BHLHE40: variants seen among roughly 807,000 people sequenced by gnomAD.
BHLHE40 encodes the protein class E basic helix-loop-helix protein 40.
A neutral mutation model predicts 35.7 loss-of-function variants in BHLHE40; 3 were observed. The ratio of observed to expected loss-of-function variants is 0.08; its 90% confidence interval spans 0.04 to 0.22. BHLHE40 has a LOEUF of 0.22. Ranked by LOEUF, BHLHE40 falls within the 10% of genes least tolerant of loss-of-function variation. BHLHE40 has a pLI of 1.00. For synonymous variants in BHLHE40, 236 were observed against 213.0 expected (o/e 1.11, Z -0.94); for missense variants, 486 against 524.0 (o/e 0.93, Z 0.71).
Position 4,983,829 on chromosome 3 carries a change from G to GGT in BHLHE40, c.*162_*163dup, listed in dbSNP as rs56076357. 0.11 allele frequency: 74,177 copies of GGT among 645,304 alleles called. 66 individuals are homozygous for GGT. The highest frequency in any genetic ancestry group is 0.21 in the South Asian group (9,532 of 45,178). 40.0% of individuals were successfully genotyped at this position (645,304 alleles called of 1,614,324 possible). On this transcript the variant is annotated 3_prime_UTR_variant, in exon 5 of 5. Coordinates refer to ENST00000256495, the MANE Select transcript of BHLHE40 (RefSeq NM_003670.3). This position sits in a 1 kb window ranked among gnomAD's most constrained non-coding sequence, Gnocchi z 5.0. The stretch of plus-strand genomic sequence containing the variant: ...TCTGAGGCATGGAGAGCAGATTCAG[G>GGT]GTGTGTGTGTGTGTGTGTGTGTGTG...
Position 4,983,309 on chromosome 3 carries a change from C to G in BHLHE40, c.856C>G (p.Pro286Ala). 6.2e-7 allele frequency: 1 copy of G among 1,614,158 alleles called. No individual in the cohort carries two copies. Among genetic ancestry groups the G allele is most frequent in the South Asian group, 1.1e-5 (1 of 91,092 alleles). Residue 286 changes from proline to alanine, a missense_variant, in exon 5 of 5, where the codon CCC becomes GCC. By Grantham distance (27) the Pro-to-Ala change is conservative. This residue lies in a region of BHLHE40 where 206 missense variants were observed against 208.9 expected (regional missense o/e 0.99). Transcript: ENST00000256495. The surrounding 1 kb of genome is among the most constrained non-coding windows in gnomAD (Gnocchi z 5.0). ...AATTAAGCAAGAGTCCGAAGAACCCCCCACAAAAAAGAACCGGATGCAGCT... is the reference window on the plus strand; with the variant it reads ...AATTAAGCAAGAGTCCGAAGAACCCGCCACAAAAAAGAACCGGATGCAGCT... ...GAIKQESEEP[P>A]TKKNRMQLSD...
chr3:4,980,298 CAGG>C lies in BHLHE40; in HGVS notation c.151_153del (p.Glu51del). ...GCCCACCGCCTCCCCGTGCGTCTTG[CAGG>C]AGACCTACAAATTGCCGCACCGGCT... is the stretch of plus-strand genomic sequence containing the variant. On this transcript the variant is annotated splice_acceptor_variant and coding_sequence_variant, in exon 3 of 5. Coordinates refer to ENST00000256495, the MANE Select transcript of BHLHE40 (RefSeq NM_003670.3). LOFTEE classifies it high-confidence loss of function. The C allele has an allele frequency of 1.9e-6, 3 of 1,613,424 alleles. No individual in the cohort carries two copies. Among genetic ancestry groups the C allele is most frequent in the Non-Finnish European group, 2.5e-6 (3 of 1,179,422 alleles).
At position 4,981,518 on chromosome 3, in the gene BHLHE40, G is replaced by A. The variant is rs745659070; in HGVS notation, c.382+3G>A. On this transcript the variant is annotated splice_donor_region_variant and intron_variant, in intron 4 of 4. Transcript: ENST00000256495. Reference sequence around the variant, plus strand: ...CCTGCAGAGTGGTTTACAAGCTGGTGAGTGCTGATTCTGGCTATGCTCTCT... The same window carrying A: ...CCTGCAGAGTGGTTTACAAGCTGGTAAGTGCTGATTCTGGCTATGCTCTCT... The A allele has an allele frequency of 5.6e-6, 9 of 1,613,740 alleles. No individual in the cohort carries two copies. The Admixed American group carries it at 1.0e-4, about 18-fold the overall frequency.
intron 2 of BHLHE40, 114 bp from the exon 3 acceptor site, chr3:4,980,187 T>G: frequency 2.6e-6 from 3 of 1,149,792 alleles, no homozygotes; most frequent in South Asian, 2.6e-5. Context: ...AGACGATGGT[T>G]CTGGGTGCTA....
At position 4,983,214 on chromosome 3, in the gene BHLHE40, T is replaced by C. The variant is rs1189391119; in HGVS notation, c.761T>C (p.Leu254Ser). 2 of 1,614,152 alleles carry C rather than the reference T, an allele frequency of 1.2e-6. No homozygotes were observed. The highest frequency in any genetic ancestry group is 1.7e-6 in the Non-Finnish European group (2 of 1,180,024). Reference sequence around the variant, plus strand: ...GGAGGAGAATCGGAGAAGGGCGACTTGCGCAGTGAGCAGCCGTGCTTCAAA... The same window carrying C: ...GGAGGAGAATCGGAGAAGGGCGACTCGCGCAGTGAGCAGCCGTGCTTCAAA... ...GYGGESEKGDLRSEQPCFKSD... is the reference protein window; with the variant it reads ...GYGGESEKGDSRSEQPCFKSD... The change falls in exon 5 of 5, where the codon TTG (leucine) becomes TCG (serine). Residue 254 changes from leucine to serine, a missense_variant. Leu to Ser is a moderately radical substitution (Grantham distance 145). Transcript: ENST00000256495. This position sits in a 1 kb window ranked among gnomAD's most constrained non-coding sequence, Gnocchi z 5.0.
chr3:4,984,934 A>C lies in BHLHE40; in HGVS notation c.*1242A>C, dbSNP rs1298029617. 6.6e-6 allele frequency: 1 copy of C among 151,850 alleles called. No homozygotes were observed. Among genetic ancestry groups the C allele is most frequent in the African/African-American group, 2.4e-5 (1 of 41,360 alleles). The allele number at this position is 151,850 out of a possible 1,614,324, so 9.4% of individuals were successfully genotyped here. The stretch of plus-strand genomic sequence containing the variant: ...TGTTATAAATATATATTATATAAAT[A>C]TATTAAAAAGGAAAATGTTTCAGAT... On this transcript the variant is annotated 3_prime_UTR_variant, in exon 5 of 5. Coordinates refer to ENST00000256495, the MANE Select transcript of BHLHE40 (RefSeq NM_003670.3).
At position 4,979,515 on chromosome 3, in the gene BHLHE40, G is replaced by T; in HGVS notation, c.-204G>T. On this transcript the variant is annotated 5_prime_UTR_variant, in exon 1 of 5. It adds an upstream start codon to the 5' untranslated region. Transcript: ENST00000256495. ...GTCTGTGCGCTGAGTCGGAGCCAGA[G>T]GCCGCGGGGACACCGGGCCATGCAC... 1.6e-6 allele frequency: 1 copy of T among 614,704 alleles called. No individual in the cohort carries two copies. The highest frequency in any genetic ancestry group is 2.9e-6 in the Non-Finnish European group (1 of 350,450). 38.1% of individuals were successfully genotyped at this position (614,704 alleles called of 1,614,324 possible).
chr3:4,982,311 A>G (rs6779816), intron 4 of BHLHE40, among the ~76,000 whole-genome samples: 21,955 of 152,252 alleles, frequency 0.14, 1,969 homozygotes, highest in Admixed American at 0.21. Flanking sequence ...ACATAGAAAT[A>G]GCCTAATTAA....
chr3:4,984,037 A>T lies in BHLHE40; in HGVS notation c.*345A>T, dbSNP rs1285873711. 4.5e-6 allele frequency: 1 copy of T among 221,660 alleles called. No individual in the cohort carries two copies. Among genetic ancestry groups the T allele is most frequent in the Non-Finnish European group, 8.9e-6 (1 of 112,018 alleles). 13.7% of individuals were successfully genotyped at this position (221,660 alleles called of 1,614,324 possible). A position where few individuals can be genotyped will look rare whatever the true frequency, so the allele number is the denominator to read the frequency against. ...TTCGATACACATCAGCTGGATTTTC[A>T]AAAGCTTCAAAGTCTTGGTCTGTGA... On this transcript the variant is annotated 3_prime_UTR_variant, in exon 5 of 5. Coordinates refer to ENST00000256495, the MANE Select transcript of BHLHE40 (RefSeq NM_003670.3).
Position 4,984,493 on chromosome 3 carries a change from C to A in BHLHE40, c.*801C>A, listed in dbSNP as rs1201521867. 1 of 152,336 alleles carries A rather than the reference C, an allele frequency of 6.6e-6. No homozygotes were observed. The highest frequency in any genetic ancestry group is 1.5e-5 in the Non-Finnish European group (1 of 68,186). 9.4% of individuals were successfully genotyped at this position (152,336 alleles called of 1,614,324 possible). On this transcript the variant is annotated 3_prime_UTR_variant, in exon 5 of 5. Transcript: ENST00000256495. The stretch of plus-strand genomic sequence containing the variant: ...CCATTAGTACTTACTGTGCAGGGAA[C>A]CAAACCAAGGTCTGAGAAATGCGGA...
Position 4,985,265 on chromosome 3 carries a change from C to G in BHLHE40, c.*1573C>G, listed in dbSNP as rs2053236717. On this transcript the variant is annotated 3_prime_UTR_variant, in exon 5 of 5. Coordinates refer to ENST00000256495, the MANE Select transcript of BHLHE40 (RefSeq NM_003670.3). ...TCCTTCTTTCTTGGCTGAAGCAAAC[C>G]AGTTAATCTCAGTGTAATTTCATTC... 6.6e-6 allele frequency: 1 copy of G among 152,266 alleles called. No homozygotes were observed. The highest frequency in any genetic ancestry group is 2.4e-5 in the African/African-American group (1 of 41,446). The allele number at this position is 152,266 out of a possible 1,614,324, so 9.4% of individuals were successfully genotyped here.
In BHLHE40 at chr3:4,979,978, A is replaced by G. The variant is rs778161220; in HGVS notation, c.97A>G (p.Met33Val). ...GDLPGMYPAHMYQVYKSRRGI... is the reference protein window; with the variant it reads ...GDLPGMYPAHVYQVYKSRRGI... Reference sequence around the variant, plus strand: ...TTCCTGCAGGATGTACCCTGCCCACATGTACCAAGTGTACAAGTCAAGACG... The same window carrying G: ...TTCCTGCAGGATGTACCCTGCCCACGTGTACCAAGTGTACAAGTCAAGACG... The change falls in exon 2 of 5, where the codon ATG becomes GTG. Residue 33 changes from methionine (M) to valine (V), a missense_variant. This residue lies in a region of BHLHE40 where 87 missense variants were observed against 66.7 expected (regional missense o/e 1.30). Coordinates refer to ENST00000256495, the MANE Select transcript of BHLHE40 (RefSeq NM_003670.3). The G allele has an allele frequency of 1.3e-5, 21 of 1,614,016 alleles. 1 individual carries two copies. The highest frequency in any genetic ancestry group is 3.3e-4 in the Middle Eastern group (2 of 6,084).
Position 4,983,776 on chromosome 3 carries a change from G to T in BHLHE40, c.*84G>T. The T allele has an allele frequency of 1.4e-6, 2 of 1,467,898 alleles. No homozygotes were observed. The highest frequency in any genetic ancestry group is 1.8e-6 in the Non-Finnish European group (2 of 1,097,308). The allele number at this position is 1,467,898 out of a possible 1,614,324, so 90.9% of individuals were successfully genotyped here. A position where few individuals can be genotyped will look rare whatever the true frequency, so the allele number is the denominator to read the frequency against. Reference sequence around the variant, plus strand: ...AAAAAAGTTTTTGTGAATGCTGCAAGATTGTTGCATTGTGTATACTGAGAT... The same window carrying T: ...AAAAAAGTTTTTGTGAATGCTGCAATATTGTTGCATTGTGTATACTGAGAT... On this transcript the variant is annotated 3_prime_UTR_variant, in exon 5 of 5. Coordinates refer to ENST00000256495, the MANE Select transcript of BHLHE40 (RefSeq NM_003670.3). This position sits in a 1 kb window ranked among gnomAD's most constrained non-coding sequence, Gnocchi z 5.0.
At position 4,981,436 on chromosome 3, in the gene BHLHE40, G is replaced by C; in HGVS notation, c.303G>C (p.Leu101Phe). ...AAGCAGTGGTTCTTGAACTTACCTT[G>C]AAGCATGTGAAAGCACTAACAAACC... Reference protein sequence around the residue: ...LEKAVVLELTLKHVKALTNLI... With the variant: ...LEKAVVLELTFKHVKALTNLI... Residue 101 changes from leucine (L) to phenylalanine (F), a missense_variant, in exon 4 of 5, where the codon TTG becomes TTC. Leu to Phe is a conservative substitution (Grantham distance 22, BLOSUM62 0). Coordinates refer to ENST00000256495, the MANE Select transcript of BHLHE40 (RefSeq NM_003670.3). The C allele has an allele frequency of 6.2e-7, 1 of 1,613,974 alleles. No homozygotes were observed. The highest frequency in any genetic ancestry group is 8.5e-7 in the Non-Finnish European group (1 of 1,179,980).
chr3:4,983,441 C>A lies in BHLHE40; in HGVS notation c.988C>A (p.Pro330Thr). ...CTGCCTGCCCTTCTACCTGATCCCACCTTCAGCGACTGCCTACCTGCCCAT... is the reference window on the plus strand; with the variant it reads ...CTGCCTGCCCTTCTACCTGATCCCAACTTCAGCGACTGCCTACCTGCCCAT... ...PFCLPFYLIP[P>T]SATAYLPMLE... The change falls in exon 5 of 5, where the codon CCT becomes ACT. Residue 330 changes from proline to threonine, a missense_variant. Physicochemically the swap from Pro to Thr is conservative, Grantham distance 38. This residue lies in a region of BHLHE40 where 206 missense variants were observed against 208.9 expected (regional missense o/e 0.99). Coordinates refer to ENST00000256495, the MANE Select transcript of BHLHE40 (RefSeq NM_003670.3). The surrounding 1 kb of genome is among the most constrained non-coding windows in gnomAD (Gnocchi z 5.0). 1 of 1,614,208 alleles carries A rather than the reference C, an allele frequency of 6.2e-7. No individual in the cohort carries two copies. The highest frequency in any genetic ancestry group is 8.5e-7 in the Non-Finnish European group (1 of 1,180,052).
intron 1 of BHLHE40, 54 bp from the exon 2 acceptor site, chr3:4,979,908 C>T: frequency 1.9e-6 from 3 of 1,608,928 alleles, no homozygotes; most frequent in Non-Finnish European, 2.6e-6. Flanking sequence ...CCCGGCAGAA[C>T]GCCTGCAGCC....
rs34085319 is a variant in BHLHE40, at chr3:4,981,296, CTT to C, written c.259-87_259-86del. 292 of 1,340,696 alleles carry C rather than the reference CTT, an allele frequency of 2.2e-4. 2 individuals carry two copies. Among genetic ancestry groups the C allele is most frequent in the Middle Eastern group, 1.2e-3 (6 of 4,974 alleles). 83.0% of individuals were successfully genotyped at this position (1,340,696 alleles called of 1,614,324 possible). On this transcript the variant is annotated intron_variant, in intron 3 of 4. Coordinates refer to ENST00000256495, the MANE Select transcript of BHLHE40 (RefSeq NM_003670.3). ...CAGCCAACCAGGAAACACTATTCCA[CTT>C]TTTTTTTTCTTTTCTCATTTCTCAT...
At chr3:4,979,875 C>T in intron 1 of BHLHE40, 77 bp downstream of exon 1, 1 of 1,606,708 alleles carries the variant, frequency 6.2e-7, no homozygotes, top group Non-Finnish European at 8.5e-7. Context: ...TGGAGCAGCT[C>T]CGGGCGCACC....
rs73106063 is a variant in BHLHE40 at position 4,979,826 on chromosome 3, G to C, written c.80+28G>C. Reference sequence around the variant, plus strand: ...AAGTTGGCACTCCTTGGCCCTTCAAGCCTCAACTGCAGCCCCATGTTATGC... The same window carrying C: ...AAGTTGGCACTCCTTGGCCCTTCAACCCTCAACTGCAGCCCCATGTTATGC... On this transcript the variant is annotated intron_variant, in intron 1 of 4. Coordinates refer to ENST00000256495, the MANE Select transcript of BHLHE40 (RefSeq NM_003670.3). 869 of 1,590,524 alleles carry C rather than the reference G, an allele frequency of 5.5e-4. 4 individuals carry two copies. The African/African-American group carries it at 0.011, about 20-fold the overall frequency.
Sources: gnomAD v4.1 joint callset for allele counts (sites outside exome capture counted in the v4.1 genomes callset) on GRCh38, gnomAD v4.1.1 for gene constraint, gnomAD v4.1.1 regional missense constraint, Gnocchi (gnomAD v3.1) non-coding constraint, MANE v1.5 for transcripts, NCBI Gene and HGNC (gene_info 2026-07-23, HGNC 2026-07-21) for gene names.